EYS: variants seen among roughly 807,000 people sequenced by gnomAD.
EYS encodes EGF-like photoreceptor maintenance factor, also known as protein eyes shut homolog.
In EYS, 250 loss-of-function variants were observed where a neutral mutation model predicts 282.1. The ratio of observed to expected loss-of-function variants is 0.89; its 90% confidence interval spans 0.80 to 0.98. The LOEUF (loss-of-function observed/expected upper bound fraction) is 0.98. Among genes scored for constraint, EYS ranks in the 50% least tolerant of loss-of-function variants. The pLI, the probability that EYS is intolerant of heterozygous loss-of-function variation, is 0.00. For missense variants in EYS, 4,016 were observed against 3,709.0 expected, an observed-to-expected ratio of 1.08 and a Z score of -2.15; for synonymous variants, 1,355 against 1,282.9, an observed-to-expected ratio of 1.06 and a Z score of -1.20.
At chr6:64,487,920 A>G (rs906474104) in intron 26 of EYS, among the ~76,000 whole-genome samples, 18 of 151,112 alleles carry the variant, frequency 1.2e-4, no homozygotes, top group African/African-American at 4.1e-4. Context: ...TCTAGAATAA[A>G]TTTTACAGAA....
chr6:65,622,158 C>A (rs527649296), intron 2 of EYS, among the ~76,000 whole-genome samples: 2 of 152,294 alleles, frequency 1.3e-5, no homozygotes, highest in South Asian at 4.1e-4. Flanking sequence ...CTGATTCTCT[C>A]TGGGGCTCAC....
Position 63,984,518 on chromosome 6 carries a change from C to T in EYS, c.6920G>A (p.Gly2307Asp), listed in dbSNP as rs1171456122. ...KKAGPVYGFRGCILDLQVNNK... is the reference protein window; with the variant it reads ...KKAGPVYGFRDCILDLQVNNK... Reference sequence around the variant, plus strand: ...GTTTACTTGAAGGTCTAGAATGCAGCCCCTGAACCCATAAACAGGACCTGC... The same window carrying T: ...GTTTACTTGAAGGTCTAGAATGCAGTCCCTGAACCCATAAACAGGACCTGC... Residue 2307 changes from glycine to aspartate, a missense_variant, in exon 35 of 43, where the codon GGC (glycine) becomes GAC (aspartate). Transcript: ENST00000503581. 3 of 1,549,312 alleles carry T rather than the reference C, an allele frequency of 1.9e-6. No homozygotes were observed. Among genetic ancestry groups the T allele is most frequent in the Non-Finnish European group, 2.6e-6 (3 of 1,145,398 alleles).
chr6:64,117,328 AC>A (rs35744765), intron 31 of EYS, among the ~76,000 whole-genome samples: 50,658 of 141,628 alleles, frequency 0.36, 9,455 homozygotes, highest in East Asian at 0.5. Context: ...GAGAGGAACA[AC>A]CCCCCCCCCA....
intron 22 of EYS, among the ~76,000 whole-genome samples, chr6:64,643,586 T>A (rs908234085): frequency 6.6e-6 from 1 of 151,576 alleles, no homozygotes; most frequent in African/African-American, 2.4e-5. Context: ...CCTGATACGG[T>A]TTGGCTGTGT....
intron 5 of EYS, among the ~76,000 whole-genome samples, chr6:65,477,425 T>C (rs1765452203): frequency 6.6e-6 from 1 of 152,172 alleles, no homozygotes; most frequent in Non-Finnish European, 1.5e-5. Flanking sequence ...CCAGCAGAAA[T>C]TACTTAATAT....
chr6:64,865,726 T>C (rs1039195077), intron 19 of EYS, among the ~76,000 whole-genome samples: 1 of 152,112 alleles, frequency 6.6e-6, no homozygotes, highest in Non-Finnish European at 1.5e-5. Context: ...AAGGTAAGAA[T>C]GTAGAAACAC....
At chr6:64,763,105 G>GA (rs147967652) in intron 22 of EYS, among the ~76,000 whole-genome samples, 9,155 of 151,846 alleles carry the variant, frequency 0.06, 933 homozygotes, top group African/African-American at 0.21. Context: ...CTTTTATTTT[G>GA]AAAAAATATA....
chr6:64,070,555 G>C (rs1771537046), intron 32 of EYS, among the ~76,000 whole-genome samples: 1 of 151,970 alleles, frequency 6.6e-6, no homozygotes, highest in African/African-American at 2.4e-5. Context: ...CTGCCAAATA[G>C]TCATGTCTGA....
chr6:64,739,335 G>A (rs1772289706), intron 22 of EYS, among the ~76,000 whole-genome samples: 1 of 152,188 alleles, frequency 6.6e-6, no homozygotes, highest in Non-Finnish European at 1.5e-5. Flanking sequence ...ATCTAAACAA[G>A]AGACAAAGGT....
chr6:65,482,264 T>C (rs139195023), intron 5 of EYS, among the ~76,000 whole-genome samples: 18 of 152,310 alleles, frequency 1.2e-4, no homozygotes, highest in Non-Finnish European at 2.5e-4. Flanking sequence ...CATTATTAAA[T>C]GTGTTAAACA....
At chr6:65,578,942 T>C (rs561744894) in intron 2 of EYS, among the ~76,000 whole-genome samples, 1 of 152,134 alleles carries the variant, frequency 6.6e-6, no homozygotes, top group African/African-American at 2.4e-5. Flanking sequence ...AGTATTTAAT[T>C]AGATAATTAA....
At chr6:64,821,516 A>G (rs2150021840) in intron 21 of EYS, 129 bp downstream of exon 21, 1 of 507,754 alleles carries the variant, frequency 2.0e-6, no homozygotes, top group Non-Finnish European at 3.5e-6. Flanking sequence ...TACACAGAGG[A>G]AAGATGAGAG....
rs545483493 is a variant in EYS at position 64,858,516 on chromosome 6, TG to T, written c.2992+28180del. 7.9e-5 allele frequency among the ~76,000 whole-genome samples: 12 copies of T among 152,290 alleles called. 1 individual carries two copies. The South Asian group carries it at 2.3e-3, about 29-fold the overall frequency. ...ATTATAATTGCTTTATAATGTGCTTTGTAATAAGAAAACGTAATGGTGTCAG... is the reference window on the plus strand; with the variant it reads ...ATTATAATTGCTTTATAATGTGCTTTTAATAAGAAAACGTAATGGTGTCAG... On this transcript the variant is annotated intron_variant, in intron 19 of 42. Transcript: ENST00000503581.
At chr6:64,743,695 G>T (rs1053540559) in intron 22 of EYS, among the ~76,000 whole-genome samples, 10 of 152,074 alleles carry the variant, frequency 6.6e-5, no homozygotes, top group African/African-American at 2.4e-4. Flanking sequence ...AATATCCAAA[G>T]TTCTGGAGAA....
chr6:63,833,196 G>A (rs143856465), intron 36 of EYS, among the ~76,000 whole-genome samples: 2,037 of 152,082 alleles, frequency 0.013, 33 homozygotes, highest in African/African-American at 0.047. Flanking sequence ...TATTCAACAT[G>A]GTGTTGGAAG....
chr6:65,025,597 C>T (rs888286923), intron 13 of EYS, among the ~76,000 whole-genome samples: 4 of 152,084 alleles, frequency 2.6e-5, no homozygotes, highest in Non-Finnish European at 4.4e-5. Context: ...TGCATTCATC[C>T]CAGCTGCGCA....
chr6:64,811,413 T>C (rs1764589883), intron 22 of EYS, among the ~76,000 whole-genome samples: 1 of 128,680 alleles, frequency 7.8e-6, no homozygotes, highest in African/African-American at 2.6e-5. Flanking sequence ...TCTACTGGCT[T>C]CATGCTGTAA....
chr6:65,330,819 A>G lies in EYS; in HGVS notation c.1766+4161T>C, dbSNP rs572418841. 31 of 944,550 alleles carry G rather than the reference A, an allele frequency of 3.3e-5. No homozygotes were observed. In the East Asian group the frequency reaches 2.9e-3, roughly 89 times the overall value. The allele number at this position is 944,550 out of a possible 1,614,324, so 58.5% of individuals were successfully genotyped here. On this transcript the variant is annotated intron_variant, in intron 11 of 42. Transcript: ENST00000503581. Reference sequence around the variant, plus strand: ...TCGTCATTTTACCTTAAACTTTTAGATCCCTATACACATTTAGAGTCTACT... The same window carrying G: ...TCGTCATTTTACCTTAAACTTTTAGGTCCCTATACACATTTAGAGTCTACT...
intron 42 of EYS, among the ~76,000 whole-genome samples, chr6:63,724,050 G>T (rs1199288047): frequency 2.0e-5 from 3 of 151,982 alleles, no homozygotes; most frequent in South Asian, 2.1e-4. Flanking sequence ...CAGGTGATCC[G>T]CCCACCTCGG....
Sources: allele counts gnomAD v4.1 joint callset (sites outside exome capture counted in the v4.1 genomes callset), GRCh38; gene constraint gnomAD v4.1.1; transcripts MANE v1.5; gene names NCBI Gene and HGNC (gene_info 2026-07-23, HGNC 2026-07-21).